EDIL3: variants seen among roughly 807,000 people sequenced by gnomAD.
EDIL3 encodes the protein EGF-like repeat and discoidin I-like domain-containing protein 3.
Under a neutral mutation model 67.4 loss-of-function variants are expected in EDIL3, and 37 were observed. That is an observed-to-expected ratio of 0.55 (90% CI 0.42 to 0.72). The LOEUF (loss-of-function observed/expected upper bound fraction) is 0.72. Ranked by LOEUF, EDIL3 falls within the 30% of genes least tolerant of loss-of-function variation. EDIL3 has a pLI of 0.00. For synonymous variants in EDIL3, 195 were observed against 196.3 expected (o/e 0.99, Z 0.05); for missense variants, 527 against 586.3 (o/e 0.90, Z 1.04).
chr5:84,198,919 A>G (rs1337591890), intron 3 of EDIL3, among the ~76,000 whole-genome samples: 1 of 152,058 alleles, frequency 6.6e-6, no homozygotes, highest in Non-Finnish European at 1.5e-5. Context: ...GGGCTATAAG[A>G]TTTCCAGAAT....
intron 6 of EDIL3, among the ~76,000 whole-genome samples, chr5:84,097,641 G>T (rs1034565355): frequency 3.3e-5 from 5 of 152,040 alleles, no homozygotes; most frequent in Non-Finnish European, 5.9e-5. Flanking sequence ...TGGATAGAGT[G>T]TAGAGTACAC....
intron 1 of EDIL3, among the ~76,000 whole-genome samples, chr5:84,288,892 C>T (rs913689017): frequency 4.6e-5 from 7 of 151,846 alleles, no homozygotes; most frequent in African/African-American, 1.7e-4. Context: ...TACTCCTATA[C>T]CCATCACTTA....
chr5:84,366,827 A>G (rs10073440), intron 1 of EDIL3, among the ~76,000 whole-genome samples: 68,532 of 151,950 alleles, frequency 0.45, 15,660 homozygotes, highest in East Asian at 0.57. Flanking sequence ...CAGAGAAGAA[A>G]AGCTCCCCAA....
intron 1 of EDIL3, among the ~76,000 whole-genome samples, chr5:84,267,281 C>G (rs771911999): frequency 6.0e-4 from 92 of 152,166 alleles, no homozygotes; most frequent in Non-Finnish European, 1.1e-3. Flanking sequence ...GCTTTGGCCT[C>G]TTGCATTAAT....
At chr5:84,103,052 C>A (rs1206213419) in intron 6 of EDIL3, among the ~76,000 whole-genome samples, 1 of 151,854 alleles carries the variant, frequency 6.6e-6, no homozygotes, top group African/African-American at 2.4e-5. Context: ...ATTGAGAGAC[C>A]AGAAATAAGG....
intron 3 of EDIL3, among the ~76,000 whole-genome samples, chr5:84,188,626 G>A (rs1743516724): frequency 6.6e-6 from 1 of 151,594 alleles, no homozygotes; most frequent in African/African-American, 2.4e-5. Flanking sequence ...TATATTCGGA[G>A]ATAGGACTTT....
chr5:84,355,659 C>A (rs1424790963), intron 1 of EDIL3, among the ~76,000 whole-genome samples: 1 of 152,150 alleles, frequency 6.6e-6, no homozygotes, highest in African/African-American at 2.4e-5. Flanking sequence ...CCTCTGGAAG[C>A]TTCGTCCCAG....
At chr5:84,277,359 CT>C (rs1427459735) in intron 1 of EDIL3, among the ~76,000 whole-genome samples, 1 of 152,124 alleles carries the variant, frequency 6.6e-6, no homozygotes, top group Non-Finnish European at 1.5e-5. Flanking sequence ...CTGCGGACAC[CT>C]TGATCTTGGA....
At chr5:84,029,022 C>T (rs1429001798) in intron 9 of EDIL3, among the ~76,000 whole-genome samples, 1 of 152,110 alleles carries the variant, frequency 6.6e-6, no homozygotes, top group African/African-American at 2.4e-5. Flanking sequence ...CTTTGGGAGG[C>T]TGAGGCAGGT....
At chr5:84,226,705 A>G (rs546158717) in intron 3 of EDIL3, among the ~76,000 whole-genome samples, 1 of 152,106 alleles carries the variant, frequency 6.6e-6, no homozygotes, top group South Asian at 2.1e-4. Context: ...ATGTGAAATT[A>G]TGTAGCTAAA....
At chr5:84,095,860 C>T (rs1031664027) in intron 6 of EDIL3, among the ~76,000 whole-genome samples, 23 of 152,182 alleles carry the variant, frequency 1.5e-4, no homozygotes, top group African/African-American at 5.1e-4. Context: ...TTCATGGCAG[C>T]CCCTCCCATC....
At chr5:84,350,967 G>T (rs939593895) in intron 1 of EDIL3, among the ~76,000 whole-genome samples, 2 of 151,964 alleles carry the variant, frequency 1.3e-5, no homozygotes, top group Non-Finnish European at 1.5e-5. Flanking sequence ...CTGAGTCTTT[G>T]GGATCCAGTG....
At chr5:84,250,749 T>C (rs1745009844) in intron 2 of EDIL3, among the ~76,000 whole-genome samples, 1 of 152,186 alleles carries the variant, frequency 6.6e-6, no homozygotes, top group South Asian at 2.1e-4. Context: ...AAAACTGGGA[T>C]CAAAAAACAA....
intron 1 of EDIL3, among the ~76,000 whole-genome samples, chr5:84,331,491 G>T (rs971272862): frequency 6.6e-6 from 1 of 152,104 alleles, no homozygotes; most frequent in Non-Finnish European, 1.5e-5. Flanking sequence ...TTTATAAGGG[G>T]CTTTGCCCTG....
At chr5:84,337,245 A>G (rs970742688) in intron 1 of EDIL3, among the ~76,000 whole-genome samples, 1 of 152,206 alleles carries the variant, frequency 6.6e-6, no homozygotes, top group Non-Finnish European at 1.5e-5. Context: ...GAAAGGTACA[A>G]AGCCAAATCT....
chr5:84,350,954 G>A (rs1580094738), intron 1 of EDIL3, among the ~76,000 whole-genome samples: 2 of 151,834 alleles, frequency 1.3e-5, no homozygotes, highest in African/African-American at 4.8e-5. Flanking sequence ...TTCTTCTTTG[G>A]TACTGAGTCT....
chr5:83,985,164 C>T (rs1233365607), intron 9 of EDIL3, among the ~76,000 whole-genome samples: 2 of 151,444 alleles, frequency 1.3e-5, no homozygotes, highest in Admixed American at 6.6e-5. Flanking sequence ...TCATGCTAAT[C>T]GTATGCTATA....
chr5:83,962,043 A>T (rs1166799708), intron 10 of EDIL3, among the ~76,000 whole-genome samples: 2 of 151,440 alleles, frequency 1.3e-5, no homozygotes, highest in Non-Finnish European at 3.0e-5. Flanking sequence ...AAAGCTAAAA[A>T]CACATCTCTT....
intron 1 of EDIL3, among the ~76,000 whole-genome samples, chr5:84,316,449 G>C (rs919797405): frequency 2.0e-5 from 3 of 151,938 alleles, no homozygotes; most frequent in African/African-American, 4.8e-5. Flanking sequence ...AAAAAAGCGG[G>C]GGTTGCAATC....
Sources: gnomAD v4.1 joint callset for allele counts (sites outside exome capture counted in the v4.1 genomes callset) on GRCh38, gnomAD v4.1.1 for gene constraint, MANE v1.5 for transcripts, NCBI Gene and HGNC (gene_info 2026-07-23, HGNC 2026-07-21) for gene names.